EIF4B: variants seen among roughly 807,000 people sequenced by gnomAD.
EIF4B encodes eukaryotic translation initiation factor 4B.
A neutral mutation model predicts 79.3 loss-of-function variants in EIF4B; 8 were observed. The observed-to-expected ratio is 0.10, with a 90% CI of 0.06 to 0.18. The LOEUF is 0.18. Ranked by LOEUF, EIF4B falls within the 10% of genes least tolerant of loss-of-function variation. The pLI is 1.00. For missense variants in EIF4B, 515 were observed against 792.4 expected (o/e 0.65, Z 4.20); for synonymous variants, 238 against 274.7 (o/e 0.87, Z 1.32).
chr12:53,029,582 G>T (rs908296082), intron 8 of EIF4B, among the ~76,000 whole-genome samples: 1 of 152,084 alleles, frequency 6.6e-6, no homozygotes, highest in Non-Finnish European at 1.5e-5. Flanking sequence ...CACCATGTTG[G>T]CCAGGCTGGT....
chr12:53,019,675 C>CTTTTT (rs34225588), intron 3 of EIF4B, among the ~76,000 whole-genome samples: 1 of 132,336 alleles, frequency 7.6e-6, no homozygotes, highest in Non-Finnish European at 1.6e-5. Flanking sequence ...CTGAATTAAT[C>CTTTTT]TTTTTTTTTT....
At chr12:53,029,937 T>G (rs1039514123) in intron 8 of EIF4B, among the ~76,000 whole-genome samples, 1 of 146,136 alleles carries the variant, frequency 6.8e-6, no homozygotes, top group African/African-American at 2.5e-5. Flanking sequence ...TAAAAAAAAC[T>G]TAGGCCAGCC....
intron 6 of EIF4B, among the ~76,000 whole-genome samples, chr12:53,023,148 C>T (rs1943276116): frequency 6.6e-6 from 1 of 152,240 alleles, no homozygotes; most frequent in Non-Finnish European, 1.5e-5. Flanking sequence ...CCAACAGATT[C>T]TACAAAGTGA....
intron 1 of EIF4B, chr12:53,014,632 A>C (rs1943119453): frequency 6.6e-6 from 1 of 152,220 alleles, no homozygotes; most frequent in Non-Finnish European, 1.5e-5. Context: ...GTTAACATTC[A>C]TAGCAAACTG....
At chr12:53,011,933 A>G (rs1304946287) in intron 1 of EIF4B, among the ~76,000 whole-genome samples, 2 of 152,370 alleles carry the variant, frequency 1.3e-5, no homozygotes, top group Non-Finnish European at 1.5e-5. Context: ...GGACCAGTTC[A>G]TTGTTGAATT....
intron 5 of EIF4B, 84 bp downstream of exon 5, chr12:53,021,944 G>A (rs1451960975): frequency 4.0e-6 from 6 of 1,518,104 alleles, no homozygotes; most frequent in African/African-American, 2.7e-5. Flanking sequence ...TTGAATAGGG[G>A]TAGTGGTGGG....
intron 1 of EIF4B, among the ~76,000 whole-genome samples, chr12:53,007,330 T>G (rs1942983119): frequency 6.6e-6 from 1 of 152,092 alleles, no homozygotes; most frequent in Non-Finnish European, 1.5e-5. Flanking sequence ...AGGCATTTTT[T>G]ACTCAGCGCA....
chr12:53,037,778 C>G, intron 11 of EIF4B, 156 bp downstream of exon 11: 1 of 779,848 alleles, frequency 1.3e-6, no homozygotes, highest in East Asian at 2.7e-5. Context: ...CTCATAAGAC[C>G]TAGTTGTTCC....
intron 10 of EIF4B, among the ~76,000 whole-genome samples, chr12:53,035,522 C>G (rs1943526397): frequency 6.6e-6 from 1 of 151,972 alleles, no homozygotes; most frequent in African/African-American, 2.4e-5. Flanking sequence ...GTGCCCACCA[C>G]CACACCCAGC....
Position 53,008,962 on chromosome 12 carries a change from G to A in EIF4B, c.13+2466G>A, listed in dbSNP as rs528235174. 4.6e-5 allele frequency among the ~76,000 whole-genome samples: 7 copies of A among 152,290 alleles called. No homozygotes were observed. In the South Asian group the frequency reaches 1.4e-3, roughly 32 times the overall value. On this transcript the variant is annotated intron_variant, in intron 1 of 14. Coordinates refer to ENST00000262056, the MANE Select transcript of EIF4B (RefSeq NM_001417.7). ...AGGCAGGAGAATCGCTTCAATCTGG[G>A]AGGGGGAGATTGCAGTGAACCGAGA...
rs1943554845 is a variant in EIF4B, at chr12:53,037,265, T to TA, written c.1307-143dup. ...CATCAGTAAGACATTGTTCTGGAAA[T>TA]ACTTGTAAACCACTGGTTTAGGGAT... On this transcript the variant is annotated intron_variant, in intron 10 of 14. Coordinates refer to ENST00000262056, the MANE Select transcript of EIF4B (RefSeq NM_001417.7). 6 of 848,010 alleles carry TA rather than the reference T, an allele frequency of 7.1e-6. No homozygotes were observed. The South Asian group carries it at 9.0e-5, about 13-fold the overall frequency. The allele number at this position is 848,010 out of a possible 1,614,324, so 52.5% of individuals were successfully genotyped here.
At chr12:53,019,823 A>G (rs1423062966) in intron 3 of EIF4B, 87 bp from the exon 4 acceptor site, 1 of 1,276,706 alleles carries the variant, frequency 7.8e-7, no homozygotes, top group Admixed American at 2.1e-5. Context: ...ATTCATGCAC[A>G]TACAGTAATG....
chr12:53,039,175 C>A, intron 12 of EIF4B, 63 bp from the exon 13 acceptor site: 1 of 1,227,334 alleles, frequency 8.1e-7, no homozygotes, highest in Non-Finnish European at 1.2e-6. Flanking sequence ...TAAGGGAAAT[C>A]TTAGGAGAGG....
chr12:53,034,529 A>G, intron 9 of EIF4B, 83 bp from the exon 10 acceptor site: 1 of 1,265,838 alleles, frequency 7.9e-7, no homozygotes, highest in Non-Finnish European at 1.1e-6. Context: ...GAAGTAAGTG[A>G]TGGTTCTTGA....
intron 8 of EIF4B, among the ~76,000 whole-genome samples, chr12:53,030,437 T>TTTTTTTTTC (rs1943419170): frequency 7.7e-6 from 1 of 130,130 alleles, no homozygotes. Context: ...TTTTTTTTTT[T>TTTTTTTTTC]TGAGACGGAG....
rs11519811 is a variant in EIF4B, at chr12:53,040,358, C to T, written c.*135C>T. 1 of 912,472 alleles carries T rather than the reference C, an allele frequency of 1.1e-6. No individual in the cohort carries two copies. The highest frequency in any genetic ancestry group is 1.6e-6 in the Non-Finnish European group (1 of 619,096). The allele number at this position is 912,472 out of a possible 1,614,324, so 56.5% of individuals were successfully genotyped here. A position where few individuals can be genotyped will look rare whatever the true frequency, so the allele number is the denominator to read the frequency against. On this transcript the variant is annotated 3_prime_UTR_variant, in exon 15 of 15. Coordinates refer to ENST00000262056, the MANE Select transcript of EIF4B (RefSeq NM_001417.7). The stretch of plus-strand genomic sequence containing the variant: ...GACCTTTCTTACCTTTTTTTAAAAA[C>T]AAAAAATGAAATTATTTTGCATGCT...
intron 4 of EIF4B, among the ~76,000 whole-genome samples, chr12:53,020,288 A>G (rs1445228478): frequency 6.6e-6 from 1 of 152,232 alleles, no homozygotes; most frequent in Non-Finnish European, 1.5e-5. Context: ...CCAGGTCTCT[A>G]ATTAAGTCTT....
chr12:53,007,366 T>C (rs968610056), intron 1 of EIF4B, among the ~76,000 whole-genome samples: 1 of 151,666 alleles, frequency 6.6e-6, no homozygotes, highest in African/African-American at 2.4e-5. Flanking sequence ...CAGGTTTCGC[T>C]TCCGGCGCTT....
chr12:53,036,828 G>A (rs966452842), intron 10 of EIF4B, among the ~76,000 whole-genome samples: 1 of 152,138 alleles, frequency 6.6e-6, no homozygotes, highest in African/African-American at 2.4e-5. Context: ...AGCTGGGACT[G>A]CAGGCACATG....
Sources: allele counts gnomAD v4.1 joint callset (sites outside exome capture counted in the v4.1 genomes callset), GRCh38; gene constraint gnomAD v4.1.1; transcripts MANE v1.5; gene names NCBI Gene and HGNC (gene_info 2026-07-23, HGNC 2026-07-21).